The following TOMM40 variants were observed in gnomAD, a reference collection of about 807,000 sequenced individuals.
TOMM40 encodes the protein mitochondrial import receptor subunit TOM40 homolog.
In TOMM40, 9 loss-of-function variants were observed where a neutral mutation model predicts 38.4. That is an observed-to-expected ratio of 0.23 (90% CI 0.14 to 0.41). The LOEUF (loss-of-function observed/expected upper bound fraction) is 0.41, where lower values mean the gene tolerates loss of function less well. TOMM40 is among the 10% of genes least tolerant of loss of function. The pLI is 1.00. For synonymous variants in TOMM40, 184 were observed against 210.0 expected (o/e 0.88, Z 1.07); for missense variants, 299 against 486.5 (o/e 0.61, Z 3.63).
intron 3 of TOMM40, among the ~76,000 whole-genome samples, chr19:44,893,160 C>T (rs1969500601): frequency 6.6e-6 from 1 of 152,176 alleles, no homozygotes; most frequent in Admixed American, 6.5e-5. Context: ...GGGGATGTGG[C>T]CACAGCCACC....
In TOMM40 at chr19:44,891,302, G is replaced by A; in HGVS notation, c.-114G>A. 1.7e-6 allele frequency: 2 copies of A among 1,200,986 alleles called. No individual in the cohort carries two copies. The highest frequency in any genetic ancestry group is 3.5e-5 in the East Asian group (1 of 28,778). 74.4% of individuals were successfully genotyped at this position (1,200,986 alleles called of 1,614,324 possible). On this transcript the variant is annotated 5_prime_UTR_variant, in exon 1 of 9. Transcript: ENST00000426677. ...GGGAGCGGAGCCCAGGCCGGGAGCAGGCGCCGCCGCCAGTGAGAACCGGGG... is the reference window on the plus strand; with the variant it reads ...GGGAGCGGAGCCCAGGCCGGGAGCAAGCGCCGCCGCCAGTGAGAACCGGGG...
chr19:44,891,324 G>C lies in TOMM40; in HGVS notation c.-92G>C, dbSNP rs981699368. 1.5e-5 allele frequency: 18 copies of C among 1,211,810 alleles called. No homozygotes were observed. The African/African-American group carries it at 1.9e-4, about 13-fold the overall frequency. The allele number at this position is 1,211,810 out of a possible 1,614,324, so 75.1% of individuals were successfully genotyped here. A position where few individuals can be genotyped will look rare whatever the true frequency, so the allele number is the denominator to read the frequency against. ...GCAGGCGCCGCCGCCAGTGAGAACC[G>C]GGGCCGGAGCCGGGTGCGGATTTGC... On this transcript the variant is annotated 5_prime_UTR_variant, in exon 1 of 9. Coordinates refer to ENST00000426677, the MANE Select transcript of TOMM40 (RefSeq NM_001128917.2).
chr19:44,892,360 G>A (rs1969482220), intron 1 of TOMM40, 33 bp from the exon 2 acceptor site: 1 of 1,606,290 alleles, frequency 6.2e-7, no homozygotes, highest in Non-Finnish European at 8.5e-7. Context: ...GTGTGGGGTT[G>A]GAGTGGAGTG....
intron 6 of TOMM40, 68 bp from the exon 7 acceptor site, chr19:44,900,960 G>A: frequency 6.2e-7 from 1 of 1,611,164 alleles, no homozygotes; most frequent in African/African-American, 1.3e-5. Context: ...TGAGGGAGGA[G>A]GCCTGGGTTC....
rs373304793 is a variant in TOMM40, at chr19:44,900,713, C to G, written c.644-17C>G. The G allele has an allele frequency of 5.3e-5, 86 of 1,611,954 alleles. No homozygotes were observed. Among genetic ancestry groups the G allele is most frequent in the East Asian group, 3.6e-4 (16 of 44,874 alleles). ...GCACTCAGGGTGGGTGGAAACTGAT[C>G]GTCATTTTGCCCACAGGAATCCTCG... On this transcript the variant is annotated splice_polypyrimidine_tract_variant and intron_variant, in intron 5 of 8. Coordinates refer to ENST00000426677, the MANE Select transcript of TOMM40 (RefSeq NM_001128917.2).
chr19:44,893,524 A>T (rs1444364967), intron 3 of TOMM40, among the ~76,000 whole-genome samples: 2 of 152,170 alleles, frequency 1.3e-5, no homozygotes, highest in Non-Finnish European at 2.9e-5. Flanking sequence ...GGCACACATG[A>T]CTGAAACAGC....
In TOMM40 at chr19:44,900,763, C is replaced by T. The variant is rs137949326; in HGVS notation, c.677C>T (p.Thr226Met). 1 of 1,613,106 alleles carries T rather than the reference C, an allele frequency of 6.2e-7. No individual in the cohort carries two copies. The highest frequency in any genetic ancestry group is 8.5e-7 in the Non-Finnish European group (1 of 1,179,944). ...GTAGCCCACTACCTCCAGAGCATCA[C>T]GCCTTGCCTGGCCCTGGGTGGAGAG... ...ILVAHYLQSI[T>M]PCLALGGELV... The change falls in exon 6 of 9, where the codon ACG (threonine) becomes ATG (methionine). Residue 226 changes from threonine (T) to methionine (M), a missense_variant. Transcript: ENST00000426677.
chr19:44,894,188 T>A, intron 5 of TOMM40, 122 bp downstream of exon 5: 2 of 690,808 alleles, frequency 2.9e-6, no homozygotes, highest in Non-Finnish European at 4.6e-6. Context: ...GGAGTGATTT[T>A]GAAACATCAG....
Position 44,901,261 on chromosome 19 carries a change from C to T in TOMM40, c.897C>T (p.Val299=). Residue 299 remains valine (V), a synonymous_variant, in exon 8 of 9, where the codon GTC becomes GTT. Transcript: ENST00000426677. The part of the protein sequence containing the change: ...EASTRMQDTS[V]SFGYQLDLPK... ...GCACAAGGATGCAGGACACCAGCGT[C>T]TCCTTCGGGTACCAGCTGGACCTGC... 2 of 1,614,144 alleles carry T rather than the reference C, an allele frequency of 1.2e-6. No individual in the cohort carries two copies. Among genetic ancestry groups the T allele is most frequent in the Non-Finnish European group, 1.7e-6 (2 of 1,180,018 alleles).
Position 44,893,742 on chromosome 19 carries a change from C to T in TOMM40, c.436-38C>T, listed in dbSNP as rs199649594. On this transcript the variant is annotated intron_variant, in intron 3 of 8. Transcript: ENST00000426677. ...GCCCATCTCACATACTTGCACAGTGCACCACCTCTGACCCCTTCCGTTCTC... is the reference window on the plus strand; with the variant it reads ...GCCCATCTCACATACTTGCACAGTGTACCACCTCTGACCCCTTCCGTTCTC... The T allele has an allele frequency of 6.9e-5, 108 of 1,576,044 alleles. 1 individual carries two copies. The Admixed American group carries it at 1.3e-3, about 19-fold the overall frequency.
intron 5 of TOMM40, among the ~76,000 whole-genome samples, chr19:44,897,822 C>A (rs1670930618): frequency 6.6e-6 from 1 of 151,582 alleles, no homozygotes; most frequent in Non-Finnish European, 1.5e-5. Flanking sequence ...GGGGTCTCGC[C>A]ATGTTGCCCC....
At chr19:44,897,547 G>A (rs996839697) in intron 5 of TOMM40, among the ~76,000 whole-genome samples, 65 of 152,106 alleles carry the variant, frequency 4.3e-4, no homozygotes, top group Non-Finnish European at 3.8e-4. Context: ...CCACCTTCTG[G>A]GTTCAAGTGA....
At chr19:44,897,812 G>A (rs932743336) in intron 5 of TOMM40, among the ~76,000 whole-genome samples, 1 of 151,278 alleles carries the variant, frequency 6.6e-6, no homozygotes, top group African/African-American at 2.4e-5. Context: ...GGGAGAGATG[G>A]GGGTCTCGCC....
intron 5 of TOMM40, among the ~76,000 whole-genome samples, chr19:44,897,375 C>G (rs1969585265): frequency 6.6e-6 from 1 of 152,120 alleles, no homozygotes; most frequent in African/African-American, 2.4e-5. Flanking sequence ...GCTTCAGTCT[C>G]CCCCTTGATT....
intron 5 of TOMM40, among the ~76,000 whole-genome samples, chr19:44,899,718 G>A (rs1352667519): frequency 1.4e-5 from 2 of 146,482 alleles, no homozygotes; most frequent in Admixed American, 7.0e-5. Flanking sequence ...GTCTCCAACT[G>A]CTGACCTCAA....
Position 44,891,617 on chromosome 19 carries a change from G to T in TOMM40, c.202G>T (p.Ala68Ser). 4.0e-6 allele frequency: 6 copies of T among 1,484,524 alleles called. No homozygotes were observed. The highest frequency in any genetic ancestry group is 5.3e-6 in the Non-Finnish European group (6 of 1,122,212). 92.0% of individuals were successfully genotyped at this position (1,484,524 alleles called of 1,614,324 possible). ...PGAATASASG[A>S]AEDGACGCLP... ...GGCTGCAACCGCCAGCGCCTCAGGG[G>T]CCGCCGAGGATGGGGCCTGCGGCTG... The change falls in exon 1 of 9, where the codon GCC (alanine) becomes TCC (serine). Residue 68 changes from alanine (A) to serine (S), a missense_variant. By Grantham distance (99) the Ala-to-Ser change is moderately conservative. Transcript: ENST00000426677.
chr19:44,898,525 C>CTTTTTTTTTTTTTTTTTTTTTT (rs71173106), intron 5 of TOMM40, among the ~76,000 whole-genome samples: 23 of 88,988 alleles, frequency 2.6e-4, no homozygotes, highest in South Asian at 4.3e-4. Flanking sequence ...TTTTTTTTTT[C>CTTTTTTTTTTTTTTTTTTTTTT]TTTTTTTTTT....
chr19:44,900,231 G>C (rs1324606056), intron 5 of TOMM40, among the ~76,000 whole-genome samples: 1 of 152,178 alleles, frequency 6.6e-6, no homozygotes, highest in Non-Finnish European at 1.5e-5. Context: ...AGGCAGTTAG[G>C]TTCACAGAGA....
chr19:44,903,179 GC>G lies in TOMM40; in HGVS notation c.*15del, dbSNP rs1969715297. On this transcript the variant is annotated 3_prime_UTR_variant, in exon 9 of 9. Coordinates refer to ENST00000426677, the MANE Select transcript of TOMM40 (RefSeq NM_001128917.2). ...CCTCACCATCGGCTGAGCCCTCCTGGCCCCCGCCTTCCACGCCCTTCCGATT... is the reference window on the plus strand; with the variant it reads ...CCTCACCATCGGCTGAGCCCTCCTGGCCCCGCCTTCCACGCCCTTCCGATT... 6.2e-7 allele frequency: 1 copy of G among 1,602,968 alleles called. No individual in the cohort carries two copies. The highest frequency in any genetic ancestry group is 2.3e-4 in the Middle Eastern group (1 of 4,422).
Sources: allele counts gnomAD v4.1 joint callset (sites outside exome capture counted in the v4.1 genomes callset), GRCh38; gene constraint gnomAD v4.1.1; transcripts MANE v1.5; gene names NCBI Gene and HGNC (gene_info 2026-07-23, HGNC 2026-07-21).